Variants in LSM14A observed in about 807,000 individuals in gnomAD.
The protein encoded by LSM14A is protein LSM14 homolog A.
LSM14A carries 14 observed loss-of-function variants against 52.4 expected under a neutral mutation model. That is an observed-to-expected ratio of 0.27 (90% CI 0.18 to 0.42). LSM14A has a LOEUF of 0.42. Among genes scored for constraint, LSM14A ranks in the 10% least tolerant of loss-of-function variants. The pLI is 1.00. For synonymous variants in LSM14A, 185 were observed against 200.3 expected, an observed-to-expected ratio of 0.92 and a Z score of 0.64; for missense variants, 417 against 581.8, an observed-to-expected ratio of 0.72 and a Z score of 2.91.
chr19:34,215,942 T>A (rs1468771209), intron 6 of LSM14A, among the ~76,000 whole-genome samples: 5 of 152,088 alleles, frequency 3.3e-5, no homozygotes, highest in Non-Finnish European at 5.9e-5. Context: ...AGGTCTGTAG[T>A]TTAGTTAATT....
At chr19:34,198,015 G>A (rs1230687452) in intron 3 of LSM14A, among the ~76,000 whole-genome samples, 1 of 146,068 alleles carries the variant, frequency 6.8e-6, no homozygotes, top group African/African-American at 2.7e-5. Context: ...GTAAAGAACA[G>A]CTTTTAAAAA....
At chr19:34,189,671 A>C (rs1353425820) in intron 1 of LSM14A, among the ~76,000 whole-genome samples, 1 of 152,202 alleles carries the variant, frequency 6.6e-6, no homozygotes, top group Non-Finnish European at 1.5e-5. Flanking sequence ...TGCCAGCCAG[A>C]CAAAGGCATT....
At chr19:34,206,197 A>G (rs2071683723) in intron 3 of LSM14A, among the ~76,000 whole-genome samples, 1 of 152,188 alleles carries the variant, frequency 6.6e-6, no homozygotes, top group Non-Finnish European at 1.5e-5. Flanking sequence ...AATAATTTTC[A>G]CTAATCTTAC....
intron 1 of LSM14A, among the ~76,000 whole-genome samples, chr19:34,192,340 T>TG (rs2070482195): frequency 7.2e-6 from 1 of 138,584 alleles, no homozygotes; most frequent in Non-Finnish European, 1.6e-5. Flanking sequence ...TTTTTTTTTT[T>TG]TTGGAGTCAG....
At chr19:34,226,656 T>C (rs916534491) in intron 9 of LSM14A, among the ~76,000 whole-genome samples, 8 of 152,036 alleles carry the variant, frequency 5.3e-5, no homozygotes, top group South Asian at 4.1e-4. Flanking sequence ...TTTCTAACAG[T>C]TGGGGTGAGA....
intron 9 of LSM14A, among the ~76,000 whole-genome samples, chr19:34,224,103 C>T (rs1050141268): frequency 3.3e-5 from 5 of 151,528 alleles, no homozygotes; most frequent in East Asian, 3.9e-4. Flanking sequence ...CTGAGGTGGG[C>T]GGATCACCTG....
chr19:34,191,838 A>T (rs922510166), intron 1 of LSM14A, among the ~76,000 whole-genome samples: 1 of 152,150 alleles, frequency 6.6e-6, no homozygotes, highest in East Asian at 1.9e-4. Context: ...AGATTGATTT[A>T]TTTGTAATTA....
chr19:34,181,084 A>G (rs1444283980), intron 1 of LSM14A, among the ~76,000 whole-genome samples: 2 of 152,118 alleles, frequency 1.3e-5, no homozygotes, highest in South Asian at 2.1e-4. Context: ...CCAGACTTCT[A>G]TGTTTTTTTC....
intron 2 of LSM14A, 97 bp downstream of exon 2, chr19:34,194,738 A>C: frequency 9.0e-7 from 1 of 1,114,344 alleles, no homozygotes; most frequent in Non-Finnish European, 1.3e-6. Flanking sequence ...GTAGCTTATC[A>C]TTTCCAAGTT....
intron 4 of LSM14A, 70 bp downstream of exon 4, chr19:34,209,121 A>G (rs1405201778): frequency 1.5e-6 from 2 of 1,363,180 alleles, no homozygotes; most frequent in African/African-American, 1.5e-5. Flanking sequence ...TCTGAATGTA[A>G]GAGCTTTTGC....
chr19:34,211,793 C>A (rs181084583), intron 4 of LSM14A, among the ~76,000 whole-genome samples: 75 of 150,560 alleles, frequency 5.0e-4, no homozygotes, highest in Admixed American at 7.9e-4. Context: ...CTGTCCCCCC[C>A]CAAAAAAAAA....
intron 1 of LSM14A, among the ~76,000 whole-genome samples, chr19:34,186,253 A>G (rs2069901730): frequency 6.6e-6 from 1 of 152,248 alleles, no homozygotes; most frequent in South Asian, 2.1e-4. Context: ...ATTTCAGCCC[A>G]GGTGGAGTTG....
chr19:34,217,134 C>A (rs1255684693), intron 6 of LSM14A, among the ~76,000 whole-genome samples: 2 of 151,910 alleles, frequency 1.3e-5, no homozygotes, highest in African/African-American at 4.8e-5. Flanking sequence ...TGGCACACGC[C>A]TGTAGTCCCA....
intron 8 of LSM14A, 54 bp downstream of exon 8, chr19:34,219,931 G>C (rs2072939262): frequency 1.5e-6 from 2 of 1,337,166 alleles, no homozygotes; most frequent in Admixed American, 3.9e-5. Context: ...AGTGTAAAAT[G>C]GTTTCATGTA....
At chr19:34,197,415 T>C (rs2070926572) in intron 3 of LSM14A, among the ~76,000 whole-genome samples, 2 of 148,120 alleles carry the variant, frequency 1.4e-5, no homozygotes, top group Non-Finnish European at 3.0e-5. Flanking sequence ...TAAATTTTTC[T>C]TTTTAATTTC....
At chr19:34,183,380 G>A (rs565179168) in intron 1 of LSM14A, among the ~76,000 whole-genome samples, 45 of 151,968 alleles carry the variant, frequency 3.0e-4, no homozygotes, top group Non-Finnish European at 6.2e-4. Context: ...GTGAAACCCC[G>A]TCTCTACTAA....
In LSM14A at chr19:34,221,666, T is replaced by G. The variant is rs778219671; in HGVS notation, c.1296T>G (p.Thr432=). 1.2e-6 allele frequency: 2 copies of G among 1,614,008 alleles called. No homozygotes were observed. ...GRGGGRGGTF[T]APRGFRGGFR... is the part of the protein sequence containing the mutation. ...GTGGTGGCAGAGGTGGTACCTTCAC[T>G]GCCCCTCGAGGATTTCGCGGTGGAT... is the stretch of plus-strand genomic sequence containing the variant. The change falls in exon 9 of 10, where the codon ACT becomes ACG. Residue 432 remains threonine (T), a synonymous_variant. Coordinates refer to ENST00000544216, the MANE Select transcript of LSM14A (RefSeq NM_015578.4).
intron 9 of LSM14A, chr19:34,226,336 A>G: frequency 7.5e-7 from 1 of 1,339,956 alleles, no homozygotes; most frequent in Non-Finnish European, 9.7e-7. Flanking sequence ...TCCCCCTTTC[A>G]TTTTCTCCTT....
intron 1 of LSM14A, among the ~76,000 whole-genome samples, chr19:34,191,036 A>T (rs2070340793): frequency 6.6e-6 from 1 of 152,026 alleles, no homozygotes; most frequent in African/African-American, 2.4e-5. Flanking sequence ...TTGGATCTTC[A>T]TAACTATCAT....
Sources: allele counts gnomAD v4.1 joint callset (sites outside exome capture counted in the v4.1 genomes callset), GRCh38; gene constraint gnomAD v4.1.1; transcripts MANE v1.5; gene names NCBI Gene and HGNC (gene_info 2026-07-23, HGNC 2026-07-21).